ADAM12: variants seen among roughly 807,000 people sequenced by gnomAD.
ADAM12 encodes ADAM metallopeptidase domain 12.
A neutral mutation model predicts 106.4 loss-of-function variants in ADAM12; 70 were observed. The observed-to-expected ratio is 0.66, with a 90% CI of 0.54 to 0.80. The LOEUF is 0.80. Ranked by LOEUF, ADAM12 falls within the 30% of genes least tolerant of loss-of-function variation. The pLI is 0.00. For synonymous variants in ADAM12, 420 were observed against 433.5 expected (o/e 0.97, Z 0.39); for missense variants, 1,010 against 1,171.9 (o/e 0.86, Z 2.02).
At chr10:126,123,224 T>C (rs1228247736) in intron 5 of ADAM12, among the ~76,000 whole-genome samples, 1 of 152,254 alleles carries the variant, frequency 6.6e-6, no homozygotes, top group Non-Finnish European at 1.5e-5. Context: ...GTTTCTGAGA[T>C]ACATTTTGAT....
chr10:126,163,808 A>T (rs902512085), intron 3 of ADAM12, among the ~76,000 whole-genome samples: 2 of 152,214 alleles, frequency 1.3e-5, no homozygotes, highest in Non-Finnish European at 2.9e-5. Context: ...AGCAGAAACA[A>T]CACCTCTAAA....
intron 1 of ADAM12, among the ~76,000 whole-genome samples, chr10:126,356,441 G>A (rs1855543421): frequency 6.6e-6 from 1 of 152,088 alleles, no homozygotes; most frequent in African/African-American, 2.4e-5. Flanking sequence ...GCCTGCCTGG[G>A]GTCATTACCA....
In ADAM12 at chr10:126,066,824, AT is replaced by A. The variant is rs747770061; in HGVS notation, c.1324-19del. On this transcript the variant is annotated intron_variant, in intron 12 of 22. Coordinates refer to ENST00000448723, the MANE Select transcript of ADAM12 (RefSeq NM_001288973.2). This position sits in a 1 kb window ranked among gnomAD's most constrained non-coding sequence, Gnocchi z 5.1. ...ATACATTCCTGGAAAGGGGAATGGCATTTGTTTGACAGGGTCTTATGGAGTA... is the reference window on the plus strand; with the variant it reads ...ATACATTCCTGGAAAGGGGAATGGCATTGTTTGACAGGGTCTTATGGAGTA... 1 of 1,608,278 alleles carries A rather than the reference AT, an allele frequency of 6.2e-7. No homozygotes were observed. The highest frequency in any genetic ancestry group is 8.5e-7 in the Non-Finnish European group (1 of 1,174,720).
intron 3 of ADAM12, among the ~76,000 whole-genome samples, chr10:126,232,412 C>G (rs1273996024): frequency 3.9e-5 from 6 of 152,142 alleles, no homozygotes; most frequent in African/African-American, 1.4e-4. Context: ...TTGGTTGTAT[C>G]CTAGTGAGAC....
chr10:126,025,620 C>T (rs1265593767), intron 21 of ADAM12, among the ~76,000 whole-genome samples: 2 of 152,116 alleles, frequency 1.3e-5, no homozygotes, highest in Admixed American at 6.5e-5. Flanking sequence ...TTGCAGCAGC[C>T]TTACGGAAGA....
intron 3 of ADAM12, among the ~76,000 whole-genome samples, chr10:126,265,162 T>G (rs1452550703): frequency 6.6e-6 from 1 of 152,140 alleles, no homozygotes; most frequent in African/African-American, 2.4e-5. Context: ...GTGCAGCATA[T>G]CACCAAATGT....
intron 11 of ADAM12, among the ~76,000 whole-genome samples, chr10:126,085,202 T>C (rs897102450): frequency 2.2e-4 from 34 of 152,238 alleles, no homozygotes; most frequent in African/African-American, 7.7e-4. Context: ...TGCCTCCTAT[T>C]TATCTGGGTT....
chr10:126,029,589 G>A (rs1469570625), intron 21 of ADAM12, among the ~76,000 whole-genome samples: 2 of 152,138 alleles, frequency 1.3e-5, no homozygotes, highest in African/African-American at 2.4e-5. Context: ...GCATCAGGAC[G>A]AATAGCTAAT....
In ADAM12 at chr10:126,013,259, G is replaced by A. The variant is rs1480496905; in HGVS notation, c.*4020C>T. ...ATTCACATGTAGGTAAGTAGCTTCT[G>A]GAAACATCCTCACTGCACAGAAATG... On this transcript the variant is annotated 3_prime_UTR_variant, in exon 23 of 23. Transcript: ENST00000448723. This position sits in a 1 kb window ranked among gnomAD's most constrained non-coding sequence, Gnocchi z 4.3. The A allele has an allele frequency of 2.0e-5, 3 of 152,164 alleles. No individual in the cohort carries two copies. The allele number at this position is 152,164 out of a possible 1,614,324, so 9.4% of individuals were successfully genotyped here. A position where few individuals can be genotyped will look rare whatever the true frequency, so the allele number is the denominator to read the frequency against.
intron 4 of ADAM12, among the ~76,000 whole-genome samples, chr10:126,141,930 C>A (rs1252942318): frequency 2.0e-5 from 3 of 152,136 alleles, no homozygotes; most frequent in Non-Finnish European, 4.4e-5. Flanking sequence ...AAGCTTTGGG[C>A]CATCTAAGGC....
chr10:126,388,385 GC>G lies in ADAM12; in HGVS notation c.-241del. On this transcript the variant is annotated 5_prime_UTR_variant, in exon 1 of 23. Coordinates refer to ENST00000448723, the MANE Select transcript of ADAM12 (RefSeq NM_001288973.2). The surrounding 1 kb of genome is among the most constrained non-coding windows in gnomAD (Gnocchi z 4.4). ...GCGCGCGCGCGCCGTTCTGGCACAA[GC>G]CAGCCTTGACCGTTGCAATAAATGA... 2.4e-6 allele frequency: 1 copy of G among 409,028 alleles called. No homozygotes were observed. Among genetic ancestry groups the G allele is most frequent in the Non-Finnish European group, 3.9e-6 (1 of 258,214 alleles). The allele number at this position is 409,028 out of a possible 1,614,324, so 25.3% of individuals were successfully genotyped here.
chr10:126,239,007 C>G (rs752027042), intron 3 of ADAM12, among the ~76,000 whole-genome samples: 2 of 152,190 alleles, frequency 1.3e-5, no homozygotes, highest in African/African-American at 2.4e-5. Flanking sequence ...AGTTAGGCCT[C>G]AGGTTCTATG....
chr10:126,236,388 C>T (rs987876662), intron 3 of ADAM12, among the ~76,000 whole-genome samples: 3 of 152,180 alleles, frequency 2.0e-5, no homozygotes, highest in Non-Finnish European at 4.4e-5. Flanking sequence ...GGAGAGCAAA[C>T]CTGCGAGCTC....
At position 126,106,649 on chromosome 10, in the gene ADAM12, C is replaced by A. The variant is rs183935613; in HGVS notation, c.741+1944G>T. 4.4e-3 allele frequency among the ~76,000 whole-genome samples: 673 copies of A among 152,150 alleles called. 5 individuals are homozygous for A. The highest frequency in any genetic ancestry group is 0.015 in the African/African-American group (638 of 41,510). On this transcript the variant is annotated intron_variant, in intron 8 of 22. Coordinates refer to ENST00000448723, the MANE Select transcript of ADAM12 (RefSeq NM_001288973.2). ...TACAGGCGCATGCCACCACGCCCAG[C>A]TAGTTTTTGTATTTTTAGTAGAGAC...
At chr10:126,270,797 G>A (rs1013261536) in intron 3 of ADAM12, among the ~76,000 whole-genome samples, 3 of 152,196 alleles carry the variant, frequency 2.0e-5, no homozygotes, top group Non-Finnish European at 2.9e-5. Context: ...ACTGCATGGA[G>A]ACAGACTATA....
intron 3 of ADAM12, among the ~76,000 whole-genome samples, chr10:126,255,614 G>A (rs1958875214): frequency 6.6e-6 from 1 of 152,306 alleles, no homozygotes; most frequent in Middle Eastern, 3.4e-3. Context: ...GTACAACCTC[G>A]CTTTATACTA....
intron 2 of ADAM12, among the ~76,000 whole-genome samples, chr10:126,282,796 C>T (rs1484470435): frequency 6.6e-6 from 1 of 152,124 alleles, no homozygotes; most frequent in Non-Finnish European, 1.5e-5. Context: ...ATGTCTCCTA[C>T]TACAGCAGTC....
At chr10:126,235,831 G>C (rs959151182) in intron 3 of ADAM12, among the ~76,000 whole-genome samples, 1 of 152,200 alleles carries the variant, frequency 6.6e-6, no homozygotes, top group African/African-American at 2.4e-5. Context: ...AAATCGCAGG[G>C]CCTGGCAACT....
Position 126,118,059 on chromosome 10 carries a change from G to A in ADAM12, c.582C>T (p.Pro194=), listed in dbSNP as rs779299841. 9.9e-6 allele frequency: 16 copies of A among 1,614,026 alleles called. No individual in the cohort carries two copies. Among genetic ancestry groups the A allele is most frequent in the Non-Finnish European group, 1.2e-5 (14 of 1,180,008 alleles). Residue 194 remains proline, a synonymous_variant, in exon 6 of 23, where the codon CCC becomes CCT. Coordinates refer to ENST00000448723, the MANE Select transcript of ADAM12 (RefSeq NM_001288973.2). ...NLAAKNVFPP[P]SQTWARRHKR... ...TTACCCTTCTTGCCCATGTCTGAGA[G>A]GGTGGTGGAAACACATTCTTTGCAG...
Sources: allele counts gnomAD v4.1 joint callset (sites outside exome capture counted in the v4.1 genomes callset), GRCh38; gene constraint gnomAD v4.1.1; non-coding constraint Gnocchi (gnomAD v3.1); transcripts MANE v1.5; gene names NCBI Gene and HGNC (gene_info 2026-07-23, HGNC 2026-07-21).